Variants in PRKD3 observed in about 807,000 individuals in gnomAD.
PRKD3 encodes protein kinase D3.
In PRKD3, 47 loss-of-function variants were observed where a neutral mutation model predicts 99.2. The observed-to-expected ratio is 0.47, with a 90% CI of 0.38 to 0.60. The LOEUF (loss-of-function observed/expected upper bound fraction) is 0.60, where lower values mean the gene tolerates loss of function less well. Among genes scored for constraint, PRKD3 ranks in the 20% least tolerant of loss-of-function variants. The probability of loss-of-function intolerance (pLI) is 0.00; values close to 1 mark genes in which losing one functional copy is unlikely to be tolerated. For missense variants in PRKD3, 1,019 were observed against 1,088.4 expected, an observed-to-expected ratio of 0.94 and a Z score of 0.90; for synonymous variants, 392 against 355.4, an observed-to-expected ratio of 1.10 and a Z score of -1.16.
At chr2:37,293,055 T>C in intron 3 of PRKD3, 78 bp downstream of exon 3, 1 of 1,328,450 alleles carries the variant, frequency 7.5e-7, no homozygotes, top group Non-Finnish European at 1.0e-6. Flanking sequence ...CTAAATATAA[T>C]CGAATTGCAG....
At chr2:37,315,411 G>A (rs935520399) in intron 2 of PRKD3, among the ~76,000 whole-genome samples, 26 of 152,080 alleles carry the variant, frequency 1.7e-4, no homozygotes, top group African/African-American at 6.3e-4. Context: ...TTTTTTAAAA[G>A]ACAGAAAGCA....
chr2:37,283,258 G>C (rs537164190), intron 6 of PRKD3, among the ~76,000 whole-genome samples: 1 of 152,102 alleles, frequency 6.6e-6, no homozygotes, highest in Non-Finnish European at 1.5e-5. Flanking sequence ...AAATTCTTGC[G>C]CCCTATCCCA....
At chr2:37,324,260 G>A in intron 1 of PRKD3, 1 of 984,738 alleles carries the variant, frequency 1.0e-6, no homozygotes, top group Non-Finnish European at 1.2e-6. Flanking sequence ...CCAAAATTCG[G>A]CACTGCGAGC....
At chr2:37,295,586 A>G (rs888398317) in intron 2 of PRKD3, among the ~76,000 whole-genome samples, 2 of 152,198 alleles carry the variant, frequency 1.3e-5, no homozygotes, top group African/African-American at 4.8e-5. Flanking sequence ...GCCACCTACT[A>G]ACTATAGCAC....
intron 2 of PRKD3, among the ~76,000 whole-genome samples, chr2:37,299,929 T>C (rs150811528): frequency 8.3e-4 from 127 of 152,258 alleles, no homozygotes; most frequent in Middle Eastern, 3.4e-3. Context: ...TTATACACTA[T>C]TGGTGGGAAT....
At chr2:37,302,583 G>A (rs998402585) in intron 2 of PRKD3, among the ~76,000 whole-genome samples, 5 of 152,190 alleles carry the variant, frequency 3.3e-5, no homozygotes, top group South Asian at 2.1e-4. Context: ...AGTTCATGTC[G>A]TTAAAATGCT....
chr2:37,286,506 T>C, intron 5 of PRKD3, 137 bp from the exon 6 acceptor site: 2 of 665,282 alleles, frequency 3.0e-6, no homozygotes, highest in Non-Finnish European at 2.4e-6. Flanking sequence ...AGCAGTTTCC[T>C]TTGCAATGTT....
At chr2:37,282,647 T>C (rs1363131443) in intron 6 of PRKD3, 28 bp from the exon 7 acceptor site, 1 of 1,487,982 alleles carries the variant, frequency 6.7e-7, no homozygotes, top group Non-Finnish European at 9.4e-7. Flanking sequence ...AGCATATTAA[T>C]TTATGTAAAA....
chr2:37,276,243 T>C (rs950708848), intron 9 of PRKD3, among the ~76,000 whole-genome samples: 1 of 152,142 alleles, frequency 6.6e-6, no homozygotes, highest in African/African-American at 2.4e-5. Context: ...TGCCTGATAG[T>C]GTTATATTAT....
intron 2 of PRKD3, among the ~76,000 whole-genome samples, chr2:37,308,051 A>G (rs1671240188): frequency 6.6e-6 from 1 of 152,196 alleles, no homozygotes; most frequent in Non-Finnish European, 1.5e-5. Flanking sequence ...TACCTAAACT[A>G]TATTTTAAAA....
chr2:37,274,757 A>G, intron 10 of PRKD3, 60 bp from the exon 11 acceptor site: 1 of 1,454,042 alleles, frequency 6.9e-7, no homozygotes, highest in Admixed American at 1.8e-5. Context: ...ATTTTTAAAT[A>G]CACTAAAGAA....
chr2:37,266,496 T>TA (rs1018752881), intron 14 of PRKD3, among the ~76,000 whole-genome samples: 1 of 151,834 alleles, frequency 6.6e-6, no homozygotes, highest in Non-Finnish European at 1.5e-5. Flanking sequence ...CGGCTTTTTT[T>TA]TTTTTTTGAG....
At chr2:37,286,470 C>A in intron 5 of PRKD3, 101 bp from the exon 6 acceptor site, 2 of 976,110 alleles carry the variant, frequency 2.0e-6, no homozygotes, top group African/African-American at 1.7e-5. Context: ...ACACTAAAGC[C>A]AAAAAACTCT....
At chr2:37,304,095 C>T (rs775765940) in intron 2 of PRKD3, among the ~76,000 whole-genome samples, 26 of 150,324 alleles carry the variant, frequency 1.7e-4, no homozygotes, top group Non-Finnish European at 3.5e-4. Context: ...TCTTTTTAAA[C>T]ATAAACTCGA....
chr2:37,313,069 T>TA (rs1671507973), intron 2 of PRKD3, among the ~76,000 whole-genome samples: 1 of 152,246 alleles, frequency 6.6e-6, no homozygotes, highest in Non-Finnish European at 1.5e-5. Context: ...TGTTTGAAGA[T>TA]ACTCTGATCA....
intron 2 of PRKD3, 100 bp downstream of exon 2, chr2:37,316,137 A>G (rs79319802): frequency 0.029 from 35,178 of 1,228,716 alleles, 615 homozygotes; most frequent in Middle Eastern, 0.035. Flanking sequence ...AGAATAAACT[A>G]CTGATGGATC....
chr2:37,300,314 T>G (rs947287880), intron 2 of PRKD3, among the ~76,000 whole-genome samples: 1 of 151,424 alleles, frequency 6.6e-6, no homozygotes, highest in East Asian at 1.9e-4. Context: ...ATGTGAAAAA[T>G]TTAAAAAAAA....
intron 3 of PRKD3, 33 bp downstream of exon 3, chr2:37,293,096 GGGAA>G (rs1670510975): frequency 6.6e-7 from 1 of 1,511,634 alleles, no homozygotes; most frequent in Non-Finnish European, 9.0e-7. Flanking sequence ...GCTCTTTGAG[GGGAA>G]AAGGCAATCA....
intron 7 of PRKD3, 133 bp downstream of exon 7, chr2:37,282,409 T>G: frequency 1.5e-6 from 1 of 648,060 alleles, no homozygotes; most frequent in Admixed American, 2.9e-5. Flanking sequence ...TGTATTTTGT[T>G]TGATTATTAA....
Sources: allele counts gnomAD v4.1 joint callset (sites outside exome capture counted in the v4.1 genomes callset), GRCh38; gene constraint gnomAD v4.1.1; transcripts MANE v1.5; gene names NCBI Gene and HGNC (gene_info 2026-07-23, HGNC 2026-07-21).